Variants in ACTR3C observed in about 807,000 individuals in gnomAD.
ACTR3C encodes actin-related protein 3C.
ACTR3C carries 18 observed loss-of-function variants against 26.3 expected under a neutral mutation model. The observed-to-expected ratio is 0.68, with a 90% CI of 0.47 to 1.01. The LOEUF (loss-of-function observed/expected upper bound fraction) is 1.01. Among genes scored for constraint, ACTR3C ranks in the 50% least tolerant of loss-of-function variants. The pLI, the probability that ACTR3C is intolerant of heterozygous loss-of-function variation, is 0.00. For missense variants in ACTR3C, 184 were observed against 250.7 expected (o/e 0.73, Z 1.80); for synonymous variants, 55 against 94.5 (o/e 0.58, Z 2.42).
chr7:149,941,282 T>C, the ACTR3C span, among the ~76,000 whole-genome samples: 1 of 152,212 alleles, frequency 6.6e-6, no homozygotes, highest in Admixed American at 6.5e-5. Flanking sequence ...TGCTGACCAG[T>C]TTCTACGTAG....
rs897172940 is a variant in ACTR3C at position 150,315,968 on chromosome 7, C to T, written c.-52+7501G>A. Among the ~76,000 whole-genome samples the T allele has an allele frequency of 6.6e-5, 10 of 152,250 alleles. No individual in the cohort carries two copies. The South Asian group carries it at 1.0e-3, about 16-fold the overall frequency. ...ATCCCAGCACTTCGGGAGGCCGAGG[C>T]GGGTGGATCACCTGAGGTCAGGAGT... On this transcript the variant is annotated intron_variant, in intron 1 of 7. Coordinates refer to ENST00000683684, the MANE Select transcript of ACTR3C (RefSeq NM_001164458.2).
chr7:150,009,204 G>C, the ACTR3C span, among the ~76,000 whole-genome samples: 1 of 152,244 alleles, frequency 6.6e-6, no homozygotes. Context: ...GCTGGGGCAG[G>C]TGCTGTGCCA....
the ACTR3C span, among the ~76,000 whole-genome samples, chr7:150,111,975 A>C: frequency 2.6e-5 from 4 of 151,786 alleles, no homozygotes; most frequent in African/African-American, 9.7e-5. Context: ...TGGGAAAGCA[A>C]TGCAATCTCC....
At chr7:150,211,482 T>C in the ACTR3C span, among the ~76,000 whole-genome samples, 2 of 151,638 alleles carry the variant, frequency 1.3e-5, no homozygotes, top group Non-Finnish European at 2.9e-5. Flanking sequence ...GGTTTCGCCA[T>C]GTTGGCCAAG....
chr7:150,322,649 C>CA (rs1295118680), intron 1 of ACTR3C: 2 of 152,228 alleles, frequency 1.3e-5, no homozygotes, highest in Middle Eastern at 3.4e-3. Context: ...AAGAAATAAC[C>CA]AAAAAATGGG....
At chr7:149,941,034 G>A in the ACTR3C span, among the ~76,000 whole-genome samples, 1 of 152,220 alleles carries the variant, frequency 6.6e-6, no homozygotes, top group South Asian at 2.1e-4. Flanking sequence ...ATACTACCTT[G>A]ACAATATTTA....
chr7:149,904,552 A>C, the ACTR3C span, among the ~76,000 whole-genome samples: 8 of 95,084 alleles, frequency 8.4e-5, 2 homozygotes, highest in Admixed American at 1.2e-4. Flanking sequence ...ACAACAACAA[A>C]AAAAACTTTA....
the ACTR3C span, among the ~76,000 whole-genome samples, chr7:150,142,157 AC>A: frequency 6.6e-6 from 1 of 152,288 alleles, no homozygotes; most frequent in South Asian, 2.1e-4. Flanking sequence ...TCTTGGCTCG[AC>A]CTGCAAGTGT....
the ACTR3C span, among the ~76,000 whole-genome samples, chr7:150,055,098 C>T: frequency 6.6e-6 from 1 of 152,186 alleles, no homozygotes; most frequent in African/African-American, 2.4e-5. Context: ...ATAGCAGCAC[C>T]AAGTAGCATT....
the ACTR3C span, among the ~76,000 whole-genome samples, chr7:150,104,776 T>C: frequency 6.6e-6 from 1 of 152,038 alleles, no homozygotes; most frequent in African/African-American, 2.4e-5. Context: ...ACAAATGCCA[T>C]AGAGGTTTGG....
chr7:150,034,006 C>A, the ACTR3C span, among the ~76,000 whole-genome samples: 1 of 151,192 alleles, frequency 6.6e-6, no homozygotes, highest in African/African-American at 2.4e-5. Context: ...ATTGCCTGCC[C>A]CCCTGCGATG....
chr7:150,057,828 G>A, the ACTR3C span, among the ~76,000 whole-genome samples: 1 of 152,232 alleles, frequency 6.6e-6, no homozygotes, highest in Non-Finnish European at 1.5e-5. Context: ...AAAGTGGAAT[G>A]TTGGCAATTT....
At chr7:150,127,791 A>G in the ACTR3C span, among the ~76,000 whole-genome samples, 2 of 151,670 alleles carry the variant, frequency 1.3e-5, no homozygotes, top group African/African-American at 4.8e-5. Context: ...AACAATGCCT[A>G]TTTACACAAG....
chr7:150,156,569 G>C, the ACTR3C span, among the ~76,000 whole-genome samples: 1 of 151,910 alleles, frequency 6.6e-6, no homozygotes, highest in Non-Finnish European at 1.5e-5. Context: ...GAGAGAGAGA[G>C]AGGAGAAAGA....
the ACTR3C span, among the ~76,000 whole-genome samples, chr7:150,111,235 G>A: frequency 8.4e-6 from 1 of 118,802 alleles, no homozygotes; most frequent in African/African-American, 3.8e-5. Flanking sequence ...GACCGCAGCT[G>A]GGGTCCTGCT....
At chr7:149,931,737 C>T in the ACTR3C span, among the ~76,000 whole-genome samples, 70,685 of 151,604 alleles carry the variant, frequency 0.47, 16,485 homozygotes, top group South Asian at 0.55. Flanking sequence ...ATATATTGTT[C>T]TGGGGGTGCC....
the ACTR3C span, among the ~76,000 whole-genome samples, chr7:150,064,386 G>A: frequency 5.7e-5 from 8 of 139,456 alleles, no homozygotes; most frequent in Non-Finnish European, 1.1e-4. Flanking sequence ...GAATCCCCCC[G>A]CCCCCAACCC....
chr7:150,197,773 C>A, the ACTR3C span, among the ~76,000 whole-genome samples: 1 of 152,108 alleles, frequency 6.6e-6, no homozygotes, highest in African/African-American at 2.4e-5. Context: ...GTTAGTAAAT[C>A]ACACCATTAT....
chr7:149,940,014 A>G, the ACTR3C span, among the ~76,000 whole-genome samples: 4 of 115,394 alleles, frequency 3.5e-5, no homozygotes, highest in Admixed American at 3.8e-4. Context: ...CCCACCCACC[A>G]ATGGGGCACA....
Sources: gnomAD v4.1 joint callset for allele counts (sites outside exome capture counted in the v4.1 genomes callset) on GRCh38, gnomAD v4.1.1 for gene constraint, MANE v1.5 for transcripts, NCBI Gene and HGNC (gene_info 2026-07-23, HGNC 2026-07-21) for gene names.